Variants in LZTS1 observed in about 807,000 individuals in gnomAD.
LZTS1 encodes leucine zipper putative tumor suppressor 1.
Under a neutral mutation model 45.8 loss-of-function variants are expected in LZTS1, and 31 were observed. The ratio of observed to expected loss-of-function variants is 0.68; its 90% CI spans 0.51 to 0.91. LZTS1 has a LOEUF of 0.91. LZTS1 is among the 40% of genes least tolerant of loss of function. The pLI is 0.00. For synonymous variants in LZTS1, 359 were observed against 357.3 expected, an observed-to-expected ratio of 1.00 and a Z score of -0.05; for missense variants, 821 against 788.9, an observed-to-expected ratio of 1.04 and a Z score of -0.49.
At chr8:20,250,781 T>C (rs1005482363) in intron 3 of LZTS1, among the ~76,000 whole-genome samples, 8 of 151,942 alleles carry the variant, frequency 5.3e-5, no homozygotes, top group Non-Finnish European at 8.8e-5. Flanking sequence ...GTATTTTTAG[T>C]AGAGACGGGG....
intron 1 of LZTS1, among the ~76,000 whole-genome samples, chr8:20,264,776 A>G (rs774235597): frequency 4.6e-5 from 7 of 152,178 alleles, no homozygotes; most frequent in African/African-American, 7.2e-5. Flanking sequence ...CAGAGCGGAA[A>G]AGGGATTTGC....
At chr8:20,277,787 G>A (rs1800613630) in intron 1 of LZTS1, among the ~76,000 whole-genome samples, 1 of 152,204 alleles carries the variant, frequency 6.6e-6, no homozygotes, top group Non-Finnish European at 1.5e-5. Context: ...ATCCAAAACA[G>A]CAGGATTTGT....
chr8:20,301,716 A>T (rs1209411127), intron 1 of LZTS1, among the ~76,000 whole-genome samples: 3 of 151,418 alleles, frequency 2.0e-5, no homozygotes, highest in Non-Finnish European at 4.4e-5. Context: ...TCCCTCACAC[A>T]CTCCCAAAGC....
chr8:20,293,641 A>G (rs11782092), intron 1 of LZTS1, among the ~76,000 whole-genome samples: 24,527 of 152,224 alleles, frequency 0.16, 2,056 homozygotes, highest in Non-Finnish European at 0.19. Flanking sequence ...ATGGAGCTGA[A>G]ATAGAAAGAG....
At chr8:20,287,671 A>C (rs1800816215) in intron 1 of LZTS1, among the ~76,000 whole-genome samples, 1 of 152,112 alleles carries the variant, frequency 6.6e-6, no homozygotes. Flanking sequence ...TCACGCCTAT[A>C]ATCCCAACAC....
intron 1 of LZTS1, among the ~76,000 whole-genome samples, chr8:20,300,711 G>A (rs753695744): frequency 2.6e-5 from 4 of 152,124 alleles, no homozygotes; most frequent in Non-Finnish European, 5.9e-5. Context: ...AGGAGCCAGT[G>A]AGTAAATGCC....
chr8:20,276,434 C>T (rs1457289232), intron 1 of LZTS1, among the ~76,000 whole-genome samples: 2 of 152,140 alleles, frequency 1.3e-5, no homozygotes, highest in African/African-American at 4.8e-5. Context: ...GCAATGTAGC[C>T]TCCATAAAAA....
Position 20,253,466 on chromosome 8 carries a change from G to T in LZTS1, c.465C>A (p.Asp155Glu). 6.2e-7 allele frequency: 1 copy of T among 1,608,024 alleles called. No individual in the cohort carries two copies. The change falls in exon 3 of 4, where the codon GAC becomes GAA. Residue 155 changes from aspartate (D) to glutamate (E), a missense_variant. Transcript: ENST00000381569. ...GCTTCAGCTCCTGCTCCTTGGGCTT[G>T]TCTGGAGGGGCGGGGTGCAGCTGGT... is the stretch of plus-strand genomic sequence containing the variant. Reference protein sequence around the residue: ...ASHQLHPAPPDKPKEQELKPG... With the variant: ...ASHQLHPAPPEKPKEQELKPG...
At chr8:20,288,644 C>T (rs1328174261) in intron 1 of LZTS1, among the ~76,000 whole-genome samples, 1 of 152,146 alleles carries the variant, frequency 6.6e-6, no homozygotes. Flanking sequence ...GGTCAACAGC[C>T]GTCTAGCAAT....
chr8:20,251,160 T>C (rs1799898226), intron 3 of LZTS1, among the ~76,000 whole-genome samples: 1 of 125,704 alleles, frequency 8.0e-6, no homozygotes. Flanking sequence ...AAATATAAAG[T>C]ATAAGAGTAG....
rs1799970421 is a variant in LZTS1, at chr8:20,252,890, C to T, written c.1041G>A (p.Gln347=). The T allele has an allele frequency of 6.2e-7, 1 of 1,610,268 alleles. No homozygotes were observed. The highest frequency in any genetic ancestry group is 1.1e-5 in the South Asian group (1 of 90,960). The change falls in exon 3 of 4, where the codon CAG becomes CAA. Residue 347 remains glutamine, a synonymous_variant. Coordinates refer to ENST00000381569, the MANE Select transcript of LZTS1 (RefSeq NM_021020.5). ...QLQQEKRQLR[Q]ELESLMKEQD... is the part of the protein sequence containing the mutation. Reference sequence around the variant, plus strand: ...GCTCCTTCATGAGGCTCTCGAGCTCCTGCCGGAGCTGCCGCTTCTCCTGCT... The same window carrying T: ...GCTCCTTCATGAGGCTCTCGAGCTCTTGCCGGAGCTGCCGCTTCTCCTGCT...
intron 1 of LZTS1, among the ~76,000 whole-genome samples, chr8:20,263,792 G>A (rs1036420040): frequency 6.6e-6 from 1 of 152,158 alleles, no homozygotes; most frequent in Non-Finnish European, 1.5e-5. Context: ...GGCAAGCAGG[G>A]CTCAGGGAAC....
Position 20,248,932 on chromosome 8 carries a change from G to A in LZTS1, c.*790C>T, listed in dbSNP as rs559967391. 301 of 152,894 alleles carry A rather than the reference G, an allele frequency of 2.0e-3. 2 individuals are homozygous for A. Among genetic ancestry groups the A allele is most frequent in the African/African-American group, 6.7e-3 (280 of 41,536 alleles). The allele number at this position is 152,894 out of a possible 1,614,324, so 9.5% of individuals were successfully genotyped here. A position where few individuals can be genotyped will look rare whatever the true frequency, so the allele number is the denominator to read the frequency against. ...CCCTCCCTTCCCAGCACCCAGCCCA[G>A]GGCCTCAGGGTCTATGGCTTAAAGA... On this transcript the variant is annotated 3_prime_UTR_variant, in exon 4 of 4. Coordinates refer to ENST00000381569, the MANE Select transcript of LZTS1 (RefSeq NM_021020.5).
intron 1 of LZTS1, among the ~76,000 whole-genome samples, chr8:20,271,252 TTC>T (rs1800469750): frequency 6.6e-6 from 1 of 152,198 alleles, no homozygotes; most frequent in African/African-American, 2.4e-5. Context: ...CCTGCAAGGC[TTC>T]TCAGTGAACT....
At chr8:20,301,120 C>CAAAAAAA (rs71222143) in intron 1 of LZTS1, among the ~76,000 whole-genome samples, 2 of 107,132 alleles carry the variant, frequency 1.9e-5, no homozygotes, top group Admixed American at 1.0e-4. Context: ...GACTCCGTCT[C>CAAAAAAA]AAAAAAAAAA....
rs1448077926 is a variant in LZTS1, at chr8:20,255,030, C to A, written c.152G>T (p.Gly51Val). Residue 51 changes from glycine to valine, a missense_variant, in exon 2 of 4, where the codon GGT becomes GTT. Coordinates refer to ENST00000381569, the MANE Select transcript of LZTS1 (RefSeq NM_021020.5). ...LLRFGFSQDS[G>V]HGKSSSKMGK... Reference sequence around the variant, plus strand: ...CATTTTGGAGCTGGACTTGCCGTGACCGGAGTCCTGGGAGAAGCCAAACCT... The same window carrying A: ...CATTTTGGAGCTGGACTTGCCGTGAACGGAGTCCTGGGAGAAGCCAAACCT... 1 of 1,614,206 alleles carries A rather than the reference C, an allele frequency of 6.2e-7. No individual in the cohort carries two copies. The highest frequency in any genetic ancestry group is 1.7e-5 in the Admixed American group (1 of 60,024).
chr8:20,299,817 G>T (rs1403725279), intron 1 of LZTS1, among the ~76,000 whole-genome samples: 1 of 152,142 alleles, frequency 6.6e-6, no homozygotes, highest in Admixed American at 6.5e-5. Context: ...TCCATTTCAG[G>T]CTTCAAACTG....
At chr8:20,257,634 C>T (rs959152338) in intron 1 of LZTS1, among the ~76,000 whole-genome samples, 2 of 151,324 alleles carry the variant, frequency 1.3e-5, no homozygotes, top group South Asian at 4.2e-4. Context: ...CTTTAACCTT[C>T]AGTGTTACAA....
At chr8:20,299,076 G>T (rs954597949) in intron 1 of LZTS1, among the ~76,000 whole-genome samples, 1 of 152,184 alleles carries the variant, frequency 6.6e-6, no homozygotes, top group African/African-American at 2.4e-5. Context: ...TGGAGGCAGT[G>T]GTGAGAGGTG....
Sources: gnomAD v4.1 joint callset for allele counts (sites outside exome capture counted in the v4.1 genomes callset) on GRCh38, gnomAD v4.1.1 for gene constraint, MANE v1.5 for transcripts, NCBI Gene and HGNC (gene_info 2026-07-23, HGNC 2026-07-21) for gene names.